Variants in TMEM39B observed in about 807,000 individuals in gnomAD.
The protein encoded by TMEM39B is transmembrane protein 39B.
TMEM39B carries 23 observed loss-of-function variants against 52.2 expected under a neutral mutation model. That is an observed-to-expected ratio of 0.44 (90% CI 0.32 to 0.62). The LOEUF (loss-of-function observed/expected upper bound fraction) is 0.62, where lower values mean the gene tolerates loss of function less well. Among genes scored for constraint, TMEM39B ranks in the 20% least tolerant of loss-of-function variants. The pLI is 0.06. For missense variants in TMEM39B, 547 were observed against 642.0 expected (o/e 0.85, Z 1.60); for synonymous variants, 285 against 264.0 (o/e 1.08, Z -0.77).
intron 5 of TMEM39B, among the ~76,000 whole-genome samples, chr1:32,088,816 GCCC>G (rs1240135518): frequency 6.6e-6 from 1 of 151,620 alleles, no homozygotes; most frequent in East Asian, 1.9e-4. Flanking sequence ...AGGTGCCCCC[GCCC>G]CCTCATTACC....
intron 5 of TMEM39B, among the ~76,000 whole-genome samples, chr1:32,087,319 CAAA>C (rs1207083221): frequency 3.4e-5 from 1 of 29,016 alleles, no homozygotes; most frequent in African/African-American, 1.3e-4. Flanking sequence ...CTCCGTCTCA[CAAA>C]AAAAAAAAAA....
In TMEM39B at chr1:32,091,897, C is replaced by G; in HGVS notation, c.813C>G (p.Ile271Met). The change falls in exon 6 of 9, where the codon ATC becomes ATG. Residue 271 changes from isoleucine (I) to methionine (M), a missense_variant. Ile to Met is a conservative substitution (Grantham distance 10). Coordinates refer to ENST00000336294, the MANE Select transcript of TMEM39B (RefSeq NM_018056.4). Reference sequence around the variant, plus strand: ...CCTGCTGCCTGTCACCCAGCCTCATCCGCAGTGAGGTGGAGTTCCTCAAGA... The same window carrying G: ...CCTGCTGCCTGTCACCCAGCCTCATGCGCAGTGAGGTGGAGTTCCTCAAGA... ...THACCLSPSLIRSEVEFLKMD... is the reference protein window; with the variant it reads ...THACCLSPSLMRSEVEFLKMD... 1 of 1,614,236 alleles carries G rather than the reference C, an allele frequency of 6.2e-7. No individual in the cohort carries two copies. The highest frequency in any genetic ancestry group is 1.3e-5 in the African/African-American group (1 of 75,056).
At chr1:32,080,941 G>A (rs941221375) in intron 5 of TMEM39B, among the ~76,000 whole-genome samples, 1 of 151,952 alleles carries the variant, frequency 6.6e-6, no homozygotes, top group Non-Finnish European at 1.5e-5. Flanking sequence ...GAGGTGAGAA[G>A]ATTGCTTTAG....
chr1:32,091,393 C>T (rs145542342), intron 5 of TMEM39B, among the ~76,000 whole-genome samples: 1 of 152,332 alleles, frequency 6.6e-6, no homozygotes, highest in Non-Finnish European at 1.5e-5. Context: ...TTAGTCATCC[C>T]TAGGCTGCGA....
intron 5 of TMEM39B, among the ~76,000 whole-genome samples, chr1:32,085,715 C>T (rs1301864391): frequency 1.3e-5 from 2 of 150,604 alleles, no homozygotes; most frequent in African/African-American, 4.9e-5. Flanking sequence ...TGCGCCACTG[C>T]ACTCCAGCCT....
intron 5 of TMEM39B, among the ~76,000 whole-genome samples, chr1:32,082,095 A>G (rs1569878385): frequency 6.6e-6 from 1 of 152,096 alleles, no homozygotes; most frequent in South Asian, 2.1e-4. Flanking sequence ...CAATAGTATA[A>G]GTATCCCTAT....
At position 32,092,040 on chromosome 1, in the gene TMEM39B, G is replaced by T. The variant is rs765400416; in HGVS notation, c.927+29G>T. On this transcript the variant is annotated intron_variant, in intron 6 of 8. Transcript: ENST00000336294. ...CGTACCTCAAGCCAGGGAGGGAAAG[G>T]GACTAGCTGGGACTTTACCCTGCTG... is the stretch of plus-strand genomic sequence containing the variant. The T allele has an allele frequency of 2.5e-5, 39 of 1,587,790 alleles. No homozygotes were observed. In the East Asian group the frequency reaches 8.1e-4, roughly 33 times the overall value.
intron 5 of TMEM39B, among the ~76,000 whole-genome samples, chr1:32,090,699 G>C (rs936014848): frequency 4.6e-5 from 7 of 152,028 alleles, no homozygotes; most frequent in Admixed American, 2.6e-4. Flanking sequence ...GAGTGCAGTG[G>C]CGCGATCTCG....
chr1:32,100,469 G>T lies in TMEM39B; in HGVS notation c.1143G>T (p.Gln381His), dbSNP rs141953556. ...HPWTEECMWP[Q>H]GVLVKHSKNV... ...GGACTGAAGAATGCATGTGGCCGCAGGGCGTGCTGGTGAAGCACAGCAAGA... is the reference window on the plus strand; with the variant it reads ...GGACTGAAGAATGCATGTGGCCGCATGGCGTGCTGGTGAAGCACAGCAAGA... The change falls in exon 8 of 9, where the codon CAG becomes CAT. Residue 381 changes from glutamine (Q) to histidine (H), a missense_variant. By Grantham distance (24) the Gln-to-His change is conservative (BLOSUM62 0). Transcript: ENST00000336294. 156 of 1,608,192 alleles carry T rather than the reference G, an allele frequency of 9.7e-5. No homozygotes were observed. In the African/African-American group the frequency reaches 2.0e-3, roughly 20 times the overall value.
At chr1:32,077,433 A>T in intron 5 of TMEM39B, 115 bp downstream of exon 5, 1 of 1,290,320 alleles carries the variant, frequency 7.8e-7, no homozygotes, top group Non-Finnish European at 1.1e-6. Context: ...AGGCAGCAAC[A>T]TCCTCTCACA....
At chr1:32,076,103 CTTTTTTT>C (rs1178215057) in intron 3 of TMEM39B, 9 of 76,264 alleles carry the variant, frequency 1.2e-4, no homozygotes, top group South Asian at 5.1e-4. Flanking sequence ...TTCTTTTCTT[CTTTTTTT>C]TTTTTTTTTT....
rs969883714 is a variant in TMEM39B at position 32,102,777 on chromosome 1, A to G, written c.*104A>G. On this transcript the variant is annotated 3_prime_UTR_variant, in exon 9 of 9. Coordinates refer to ENST00000336294, the MANE Select transcript of TMEM39B (RefSeq NM_018056.4). The stretch of plus-strand genomic sequence containing the variant: ...GGTGGGGGGGACAAAAGACAAAAAA[A>G]TCCACCAGAGCTTTGTATTTTTGTT... 2.0e-4 allele frequency: 265 copies of G among 1,308,812 alleles called. No individual in the cohort carries two copies. The highest frequency in any genetic ancestry group is 2.6e-4 in the Non-Finnish European group (258 of 995,546). 81.1% of individuals were successfully genotyped at this position (1,308,812 alleles called of 1,614,324 possible). A position where few individuals can be genotyped will look rare whatever the true frequency, so the allele number is the denominator to read the frequency against.
intron 5 of TMEM39B, among the ~76,000 whole-genome samples, chr1:32,089,155 TA>T (rs1278494222): frequency 6.7e-6 from 1 of 149,092 alleles, no homozygotes; most frequent in Non-Finnish European, 1.5e-5. Flanking sequence ...TTTTTTTTTT[TA>T]GACAGGGTCT....
chr1:32,073,941 G>C (rs1465999969), intron 1 of TMEM39B: 20 of 961,260 alleles, frequency 2.1e-5, no homozygotes, highest in Non-Finnish European at 2.2e-5. Context: ...TAGAGACCGG[G>C]TTTCGCCATG....
Position 32,077,089 on chromosome 1 carries a change from G to A in TMEM39B, c.436-75G>A, listed in dbSNP as rs866526461. On this transcript the variant is annotated intron_variant, in intron 4 of 8. Coordinates refer to ENST00000336294, the MANE Select transcript of TMEM39B (RefSeq NM_018056.4). ...CTCCCTGGGTGGGATCACAGGTCAT[G>A]CTGGGTGGGATTTGGGCACAGCCCC... The A allele has an allele frequency of 3.2e-5, 50 of 1,582,206 alleles. 2 individuals are homozygous for A. In the Middle Eastern group the frequency reaches 6.9e-3, roughly 219 times the overall value.
chr1:32,082,849 A>T (rs1391600247), intron 5 of TMEM39B, among the ~76,000 whole-genome samples: 1 of 150,850 alleles, frequency 6.6e-6, no homozygotes, highest in African/African-American at 2.4e-5. Context: ...ATCTCAACTC[A>T]CTGCAAGCTC....
chr1:32,102,778 TC>T lies in TMEM39B; in HGVS notation c.*107del, dbSNP rs773875004. On this transcript the variant is annotated 3_prime_UTR_variant, in exon 9 of 9. Coordinates refer to ENST00000336294, the MANE Select transcript of TMEM39B (RefSeq NM_018056.4). ...GTGGGGGGGACAAAAGACAAAAAAA[TC>T]CACCAGAGCTTTGTATTTTTGTTAC... The T allele has an allele frequency of 3.1e-4, 405 of 1,300,374 alleles. 1 individual carries two copies. The highest frequency in any genetic ancestry group is 4.2e-5 in the Non-Finnish European group (42 of 988,722). 80.6% of individuals were successfully genotyped at this position (1,300,374 alleles called of 1,614,324 possible). A position where few individuals can be genotyped will look rare whatever the true frequency, so the allele number is the denominator to read the frequency against.
chr1:32,097,388 T>G (rs1384721244), intron 7 of TMEM39B, among the ~76,000 whole-genome samples: 1 of 151,836 alleles, frequency 6.6e-6, no homozygotes, highest in Non-Finnish European at 1.5e-5. Context: ...TGGAGTGCAG[T>G]GGCGCGATCT....
intron 7 of TMEM39B, among the ~76,000 whole-genome samples, chr1:32,096,451 C>CTA (rs1243569868): frequency 5.8e-4 from 61 of 105,024 alleles, no homozygotes; most frequent in South Asian, 3.1e-3. Context: ...CTCCTCTGGC[C>CTA]TTTTTTTTTT....
Sources: gnomAD v4.1 joint callset for allele counts (sites outside exome capture counted in the v4.1 genomes callset) on GRCh38, gnomAD v4.1.1 for gene constraint, MANE v1.5 for transcripts, NCBI Gene and HGNC (gene_info 2026-07-23, HGNC 2026-07-21) for gene names.